The following PLA2G4A variants were observed in gnomAD, a reference collection of about 807,000 sequenced individuals.
PLA2G4A encodes phospholipase A2 group IVA, also known as cytosolic phospholipase A2.
Under a neutral mutation model 81.9 loss-of-function variants are expected in PLA2G4A, and 40 were observed. That is an observed-to-expected ratio of 0.49 (90% CI 0.38 to 0.64). PLA2G4A has a LOEUF of 0.64. Ranked by LOEUF, PLA2G4A falls within the 30% of genes least tolerant of loss-of-function variation. The pLI is 0.00. For synonymous variants in PLA2G4A, 302 were observed against 296.9 expected, an observed-to-expected ratio of 1.02 and a Z score of -0.18; for missense variants, 715 against 905.1, an observed-to-expected ratio of 0.79 and a Z score of 2.69.
chr1:186,955,734 C>CATTTT (rs368191115), intron 13 of PLA2G4A, among the ~76,000 whole-genome samples: 2 of 108,820 alleles, frequency 1.8e-5, no homozygotes, highest in Non-Finnish European at 3.4e-5. Context: ...AAGAAGATCC[C>CATTTT]TTTTTTTTTT....
Position 186,977,664 on chromosome 1 carries a change from T to C in PLA2G4A, c.1836T>C (p.Phe612=). Residue 612 remains phenylalanine, a synonymous_variant, in exon 16 of 18, where the codon TTT becomes TTC. Transcript: ENST00000367466. ...TTCCAAAGATTGATCCTTATGTGTT[T>C]GATCGGGAAGGGCTGAAGGAGTGCT... is the stretch of plus-strand genomic sequence containing the variant. ...LPFPKIDPYV[F]DREGLKECYV... 6.2e-7 allele frequency: 1 copy of C among 1,613,702 alleles called. No individual in the cohort carries two copies. Among genetic ancestry groups the C allele is most frequent in the Non-Finnish European group, 8.5e-7 (1 of 1,179,580 alleles).
At chr1:186,984,428 A>G (rs1292271765) in intron 17 of PLA2G4A, among the ~76,000 whole-genome samples, 1 of 152,196 alleles carries the variant, frequency 6.6e-6, no homozygotes, top group African/African-American at 2.4e-5. Context: ...TAGTCTTAGA[A>G]CCAGTTATGT....
chr1:186,973,660 T>A, intron 15 of PLA2G4A, among the ~76,000 whole-genome samples: 1 of 152,220 alleles, frequency 6.6e-6, no homozygotes, highest in East Asian at 1.9e-4. Flanking sequence ...TGTGAATAAC[T>A]AACCAGAATT....
intron 14 of PLA2G4A, among the ~76,000 whole-genome samples, chr1:186,963,333 C>T (rs1460638555): frequency 2.0e-5 from 3 of 152,166 alleles, no homozygotes; most frequent in East Asian, 1.9e-4. Flanking sequence ...AGTCTTACAT[C>T]GTTACATTCC....
chr1:186,935,112 G>T (rs1655894278), intron 8 of PLA2G4A, among the ~76,000 whole-genome samples: 2 of 151,904 alleles, frequency 1.3e-5, no homozygotes, highest in African/African-American at 4.8e-5. Context: ...GTATCTAGAG[G>T]GAAGGATGCT....
chr1:186,830,200 A>G (rs902125641), intron 1 of PLA2G4A, among the ~76,000 whole-genome samples: 1 of 152,240 alleles, frequency 6.6e-6, no homozygotes, highest in African/African-American at 2.4e-5. Context: ...TAATTGTGAA[A>G]TGCATAGAGA....
chr1:186,948,574 C>T (rs1354563191), intron 12 of PLA2G4A, among the ~76,000 whole-genome samples: 1 of 151,454 alleles, frequency 6.6e-6, no homozygotes, highest in African/African-American at 2.4e-5. Flanking sequence ...GCTTCCTGTG[C>T]CCCTCTGTTG....
At chr1:186,885,115 A>G (rs1160210347) in intron 3 of PLA2G4A, among the ~76,000 whole-genome samples, 3 of 152,152 alleles carry the variant, frequency 2.0e-5, no homozygotes, top group Non-Finnish European at 1.5e-5. Context: ...TTGAGAAGCC[A>G]AGTTCCTTGA....
intron 2 of PLA2G4A, among the ~76,000 whole-genome samples, chr1:186,866,816 T>A (rs942432995): frequency 1.3e-5 from 2 of 152,154 alleles, no homozygotes; most frequent in African/African-American, 4.8e-5. Flanking sequence ...TGGTTCCTTT[T>A]GTGGAGAAAG....
intron 3 of PLA2G4A, among the ~76,000 whole-genome samples, chr1:186,885,543 AG>A (rs1422582765): frequency 6.6e-6 from 1 of 152,154 alleles, no homozygotes; most frequent in East Asian, 1.9e-4. Context: ...ATTCAGTCAA[AG>A]GTTGACTGAA....
At chr1:186,981,431 G>A (rs1657714242) in intron 17 of PLA2G4A, among the ~76,000 whole-genome samples, 1 of 152,114 alleles carries the variant, frequency 6.6e-6, no homozygotes, top group Non-Finnish European at 1.5e-5. Context: ...AGATGTAAAA[G>A]TTAGTGCCTG....
intron 5 of PLA2G4A, among the ~76,000 whole-genome samples, chr1:186,895,142 C>T (rs944479169): frequency 6.6e-6 from 1 of 152,172 alleles, no homozygotes; most frequent in Non-Finnish European, 1.5e-5. Context: ...ATTATTTATA[C>T]TGTTCAATGT....
chr1:186,932,719 T>C (rs1262566725), intron 7 of PLA2G4A, 44 bp from the exon 8 acceptor site: 1 of 1,592,814 alleles, frequency 6.3e-7, no homozygotes, highest in East Asian at 2.2e-5. Flanking sequence ...CTGTATTTTA[T>C]GATTTTTACT....
chr1:186,840,649 T>C (rs1189715952), intron 1 of PLA2G4A, among the ~76,000 whole-genome samples: 1 of 152,228 alleles, frequency 6.6e-6, no homozygotes, highest in East Asian at 1.9e-4. Context: ...GAAATAGTCA[T>C]TGCTTTCATT....
intron 2 of PLA2G4A, among the ~76,000 whole-genome samples, chr1:186,866,745 C>G (rs981265918): frequency 2.0e-5 from 3 of 151,824 alleles, no homozygotes; most frequent in African/African-American, 7.3e-5. Context: ...CTTAGATATG[C>G]AAAAAAGCAT....
chr1:186,916,646 G>A (rs1655148472), intron 7 of PLA2G4A, among the ~76,000 whole-genome samples: 1 of 152,146 alleles, frequency 6.6e-6, no homozygotes, highest in Non-Finnish European at 1.5e-5. Flanking sequence ...TTCAAAAACA[G>A]TGGACATGGG....
At chr1:186,829,543 G>T (rs1333536146) in intron 1 of PLA2G4A, among the ~76,000 whole-genome samples, 1 of 151,936 alleles carries the variant, frequency 6.6e-6, no homozygotes, top group African/African-American at 2.4e-5. Context: ...AGAATTATGC[G>T]AAAGAAAGAG....
chr1:186,891,103 C>CT lies in PLA2G4A; in HGVS notation c.116-1900dup, dbSNP rs529525868. ...TTTTTCTAACATTGACAAATATAAT[C>CT]TTTTTTTTAAAAAAAAGTATTTTTC... On this transcript the variant is annotated intron_variant, in intron 3 of 17. Transcript: ENST00000367466. Among the ~76,000 whole-genome samples the CT allele has an allele frequency of 4.5e-3, 680 of 151,552 alleles. 20 individuals are homozygous for CT. The highest frequency in any genetic ancestry group is 0.039 in the Admixed American group (600 of 15,196).
intron 2 of PLA2G4A, among the ~76,000 whole-genome samples, chr1:186,868,548 C>G (rs895809529): frequency 6.6e-6 from 1 of 152,160 alleles, no homozygotes; most frequent in African/African-American, 2.4e-5. Context: ...ATTTAAGAAG[C>G]ATTCCCTCTG....
Sources: allele counts gnomAD v4.1 joint callset (sites outside exome capture counted in the v4.1 genomes callset), GRCh38; gene constraint gnomAD v4.1.1; transcripts MANE v1.5; gene names NCBI Gene and HGNC (gene_info 2026-07-23, HGNC 2026-07-21).